SNX29: variants seen among roughly 807,000 people sequenced by gnomAD.
SNX29 encodes sorting nexin-29.
A neutral mutation model predicts 102.1 loss-of-function variants in SNX29; 78 were observed. The observed-to-expected ratio is 0.76, with a 90% CI of 0.64 to 0.92. SNX29 has a LOEUF of 0.92. SNX29 is among the 40% of genes least tolerant of loss of function. The pLI is 0.00. For synonymous variants in SNX29, 580 were observed against 414.5 expected (o/e 1.40, Z -4.85); for missense variants, 1,280 against 1,061.7 (o/e 1.21, Z -2.86).
intron 19 of SNX29, among the ~76,000 whole-genome samples, chr16:12,508,756 G>A (rs1025523782): frequency 1.3e-5 from 2 of 152,110 alleles, no homozygotes; most frequent in South Asian, 2.1e-4. Flanking sequence ...GCTCCAGGGC[G>A]GGGTATAAAT....
intron 13 of SNX29, among the ~76,000 whole-genome samples, chr16:12,191,617 A>G (rs2076644697): frequency 6.6e-6 from 1 of 152,252 alleles, no homozygotes; most frequent in Non-Finnish European, 1.5e-5. Flanking sequence ...CAGTGCAGCA[A>G]CAGGCTAAAG....
At chr16:12,208,987 T>A (rs1248152721) in intron 14 of SNX29, among the ~76,000 whole-genome samples, 1 of 152,206 alleles carries the variant, frequency 6.6e-6, no homozygotes, top group Non-Finnish European at 1.5e-5. Flanking sequence ...GGGTACATTG[T>A]GGTGTCATTT....
intron 20 of SNX29, among the ~76,000 whole-genome samples, chr16:12,559,177 G>GCCCA (rs2141450676): frequency 6.6e-6 from 1 of 152,216 alleles, no homozygotes; most frequent in African/African-American, 2.4e-5. Flanking sequence ...TAGCCTGTTA[G>GCCCA]GTACTGGGCT....
chr16:12,055,550 G>A (rs2050484941), intron 8 of SNX29, among the ~76,000 whole-genome samples: 1 of 152,004 alleles, frequency 6.6e-6, no homozygotes, highest in Non-Finnish European at 1.5e-5. Context: ...TTTATTTTAA[G>A]GAATTGGCTC....
chr16:12,366,853 CTT>C lies in SNX29; in HGVS notation c.1899+10576_1899+10577del, dbSNP rs1178846116. On this transcript the variant is annotated intron_variant, in intron 16 of 20. Coordinates refer to ENST00000566228, the MANE Select transcript of SNX29 (RefSeq NM_032167.5). ...TCTCTGCCTCTGTCTCTCTCTCTCTCTTTCTTTTCCTCTGTCTGTCTCTTCCC... is the reference window on the plus strand; with the variant it reads ...TCTCTGCCTCTGTCTCTCTCTCTCTCTCTTTTCCTCTGTCTGTCTCTTCCC... 5 of 151,686 alleles carry C rather than the reference CTT, an allele frequency of 3.3e-5. No homozygotes were observed. The East Asian group carries it at 7.8e-4, about 24-fold the overall frequency. The allele number at this position is 151,686 out of a possible 1,614,324, so 9.4% of individuals were successfully genotyped here.
chr16:12,174,168 C>A (rs2076210525), intron 13 of SNX29, among the ~76,000 whole-genome samples: 1 of 152,180 alleles, frequency 6.6e-6, no homozygotes, highest in Admixed American at 6.5e-5. Context: ...TGTTAACTCC[C>A]CCTCTAGAGG....
intron 15 of SNX29, among the ~76,000 whole-genome samples, chr16:12,299,942 C>G (rs1410522259): frequency 1.4e-4 from 21 of 152,174 alleles, no homozygotes; most frequent in Non-Finnish European, 2.9e-5. Flanking sequence ...GCAATCTTGG[C>G]TCACTGCAAC....
intron 9 of SNX29, among the ~76,000 whole-genome samples, chr16:12,062,540 G>C (rs1596739942): frequency 6.6e-6 from 1 of 152,240 alleles, no homozygotes; most frequent in Non-Finnish European, 1.5e-5. Context: ...GATCCCAGCT[G>C]GCCTGTGGGG....
chr16:12,395,567 G>A (rs894200545), intron 16 of SNX29, among the ~76,000 whole-genome samples: 1 of 152,230 alleles, frequency 6.6e-6, no homozygotes, highest in Non-Finnish European at 1.5e-5. Flanking sequence ...CACAGGCAGA[G>A]TGTGAGCTGC....
Position 12,227,899 on chromosome 16 carries a change from T to TA in SNX29, c.1678+28243dup, listed in dbSNP as rs59381762. 4.1e-3 allele frequency among the ~76,000 whole-genome samples: 290 copies of TA among 71,568 alleles called. 26 individuals are homozygous for TA. The highest frequency in any genetic ancestry group is 0.012 in the African/African-American group (192 of 16,258). The allele number at this position is 71,568 out of a possible 152,430, so 47.0% of individuals were successfully genotyped here. On this transcript the variant is annotated intron_variant, in intron 14 of 20. Transcript: ENST00000566228. ...TGGGCAACAGAGCGAGACTCTGTCT[T>TA]AAAAAAAAAAAAAAAAAAAAAAAAA...
At chr16:12,197,160 A>G (rs879136274) in intron 13 of SNX29, among the ~76,000 whole-genome samples, 1 of 152,192 alleles carries the variant, frequency 6.6e-6, no homozygotes, top group Admixed American at 6.5e-5. Flanking sequence ...TTGTTTAGAA[A>G]TGTCTATAAC....
At chr16:12,056,802 GTTCTTTTTTTGTTTTGTTTTGT>G (rs890204012) in intron 8 of SNX29, among the ~76,000 whole-genome samples, 2 of 152,034 alleles carry the variant, frequency 1.3e-5, no homozygotes, top group Admixed American at 1.3e-4. Context: ...TTGTTCTTTT[GTTCTTTTTTTGTTTTGTTTTGT>G]TTCTTTGTTT....
At chr16:12,533,790 G>C (rs1348821496) in intron 20 of SNX29, among the ~76,000 whole-genome samples, 1 of 152,172 alleles carries the variant, frequency 6.6e-6, no homozygotes, top group Non-Finnish European at 1.5e-5. Context: ...GTGGAGTGCA[G>C]CTCATAGGCC....
intron 18 of SNX29, among the ~76,000 whole-genome samples, chr16:12,439,054 CAG>C (rs761089005): frequency 1.2e-4 from 18 of 152,332 alleles, no homozygotes; most frequent in South Asian, 2.1e-4. Context: ...AGGCAGGGCT[CAG>C]AGCACGTGAG....
intron 11 of SNX29, among the ~76,000 whole-genome samples, chr16:12,079,626 C>T (rs1415251846): frequency 2.0e-5 from 3 of 152,120 alleles, no homozygotes; most frequent in Admixed American, 6.5e-5. Flanking sequence ...TGTAAACCAA[C>T]AGTTGGTTTA....
intron 13 of SNX29, among the ~76,000 whole-genome samples, chr16:12,183,500 ATG>A (rs1340375948): frequency 2.6e-5 from 4 of 152,154 alleles, no homozygotes; most frequent in Admixed American, 2.0e-4. Context: ...ATAGATATGT[ATG>A]TGTGTATGTA....
chr16:12,305,864 G>A (rs1008127339), intron 15 of SNX29, among the ~76,000 whole-genome samples: 4 of 152,266 alleles, frequency 2.6e-5, no homozygotes, highest in African/African-American at 9.6e-5. Flanking sequence ...GAGTACCGAC[G>A]AGCTGTAACC....
intron 20 of SNX29, among the ~76,000 whole-genome samples, chr16:12,566,900 C>T (rs553966664): frequency 1.3e-5 from 2 of 152,162 alleles, no homozygotes; most frequent in Admixed American, 6.5e-5. Flanking sequence ...CAGGAAAAGA[C>T]AATCATTAAA....
intron 14 of SNX29, among the ~76,000 whole-genome samples, chr16:12,266,236 T>C (rs2078923683): frequency 6.6e-6 from 1 of 152,124 alleles, no homozygotes; most frequent in Admixed American, 6.6e-5. Flanking sequence ...CAGGTTGTTT[T>C]TCCGTTTATA....
Sources: allele counts gnomAD v4.1 joint callset (sites outside exome capture counted in the v4.1 genomes callset), GRCh38; gene constraint gnomAD v4.1.1; transcripts MANE v1.5; gene names NCBI Gene and HGNC (gene_info 2026-07-23, HGNC 2026-07-21).